Variants in MMP2 observed in about 807,000 individuals in gnomAD.
MMP2 encodes the protein 72 kDa type IV collagenase.
MMP2 carries 39 observed loss-of-function variants against 74.8 expected under a neutral mutation model. That is an observed-to-expected ratio of 0.52 (90% CI 0.40 to 0.68). The LOEUF is 0.68. MMP2 is among the 30% of genes least tolerant of loss of function. MMP2 has a pLI of 0.00. For missense variants in MMP2, 803 were observed against 878.3 expected (o/e 0.91, Z 1.08); for synonymous variants, 367 against 339.8 (o/e 1.08, Z -0.88).
rs1962538723 is a variant in MMP2, at chr16:55,496,843, C to G, written c.1473-83C>G. 3 of 1,573,766 alleles carry G rather than the reference C, an allele frequency of 1.9e-6. No individual in the cohort carries two copies. The East Asian group carries it at 6.7e-5, about 35-fold the overall frequency. On this transcript the variant is annotated intron_variant, in intron 9 of 12. Transcript: ENST00000219070. Reference sequence around the variant, plus strand: ...TCATGGAATCATCTCTGGGATGTTTCTGGGTGGGTTTGGGGGTGTGTGTGG... The same window carrying G: ...TCATGGAATCATCTCTGGGATGTTTGTGGGTGGGTTTGGGGGTGTGTGTGG...
chr16:55,483,444 C>T (rs548818868), intron 2 of MMP2, among the ~76,000 whole-genome samples: 27 of 152,100 alleles, frequency 1.8e-4, no homozygotes, highest in African/African-American at 5.3e-4. Flanking sequence ...CTAATACAAA[C>T]GGCTTCTATG....
chr16:55,497,485 C>T (rs1335066222), intron 10 of MMP2, among the ~76,000 whole-genome samples: 2 of 152,170 alleles, frequency 1.3e-5, no homozygotes, highest in African/African-American at 2.4e-5. Context: ...TTAACAGAGG[C>T]AGTTAGTTAT....
intron 2 of MMP2, 84 bp from the exon 3 acceptor site, chr16:55,483,932 T>TA (rs1962171554): frequency 2.7e-6 from 4 of 1,480,000 alleles, no homozygotes; most frequent in Non-Finnish European, 3.8e-6. Flanking sequence ...AACTTTTTCA[T>TA]ACATCTGTGC....
chr16:55,488,603 A>G lies in MMP2; in HGVS notation c.893A>G (p.Gln298Arg), dbSNP rs1340078697. ...CCCTGCAAGTTTCCATTCCGCTTCC[A>G]GGGCACATCCTATGACAGCTGCACC... ...GQPCKFPFRF[Q>R]GTSYDSCTTE... Residue 298 changes from glutamine (Q) to arginine (R), a missense_variant, in exon 6 of 13, where the codon CAG becomes CGG. Physicochemically the swap from Gln to Arg is conservative, Grantham distance 43. Transcript: ENST00000219070. 6.2e-7 allele frequency: 1 copy of G among 1,613,926 alleles called. No homozygotes were observed. The highest frequency in any genetic ancestry group is 8.5e-7 in the Non-Finnish European group (1 of 1,179,934).
intron 11 of MMP2, among the ~76,000 whole-genome samples, chr16:55,501,749 G>T (rs1962672384): frequency 6.6e-6 from 1 of 152,118 alleles, no homozygotes; most frequent in African/African-American, 2.4e-5. Context: ...GTCAAGGCTG[G>T]CTGCAGAAAG....
intron 7 of MMP2, 96 bp downstream of exon 7, chr16:55,489,920 A>T: frequency 2.2e-6 from 3 of 1,389,246 alleles, no homozygotes; most frequent in Non-Finnish European, 3.0e-6. Flanking sequence ...CACTTCAAGC[A>T]TAGACACTGC....
chr16:55,496,679 C>T (rs1167487027), intron 9 of MMP2, among the ~76,000 whole-genome samples: 3 of 152,116 alleles, frequency 2.0e-5, no homozygotes, highest in Non-Finnish European at 1.5e-5. Context: ...TGGAGGTAGT[C>T]AGGGAAGGCT....
In MMP2 at chr16:55,485,642, T is replaced by G. The variant is rs1442260315; in HGVS notation, c.697T>G (p.Cys233Gly). 6.2e-7 allele frequency: 1 copy of G among 1,614,180 alleles called. No individual in the cohort carries two copies. The highest frequency in any genetic ancestry group is 1.7e-5 in the Admixed American group (1 of 60,026). The change falls in exon 5 of 13, where the codon TGC becomes GGC. Residue 233 changes from cysteine (C) to glycine (G), a missense_variant. Around this residue, in one of 3 missense-constraint regions of MMP2, gnomAD observed 555 missense variants for 592.0 expected, o/e 0.94. Coordinates refer to ENST00000219070, the MANE Select transcript of MMP2 (RefSeq NM_004530.6). ...VKYGNADGEY[C>G]KFPFLFNGKE... ...GTATGGGAACGCCGATGGGGAGTACTGCAAGTTCCCCTTCTTGTTCAATGG... is the reference window on the plus strand; with the variant it reads ...GTATGGGAACGCCGATGGGGAGTACGGCAAGTTCCCCTTCTTGTTCAATGG...
intron 8 of MMP2, among the ~76,000 whole-genome samples, 176 bp from the exon 9 acceptor site, chr16:55,492,982 G>T (rs1208532623): frequency 6.6e-6 from 1 of 152,128 alleles, no homozygotes; most frequent in Non-Finnish European, 1.5e-5. Context: ...AAAGTACAAA[G>T]GGCCCCAGGA....
intron 11 of MMP2, among the ~76,000 whole-genome samples, chr16:55,501,942 T>C (rs1368053883): frequency 6.6e-6 from 1 of 151,934 alleles, no homozygotes. Flanking sequence ...GGCAAAGGAA[T>C]CAACATGACA....
At chr16:55,483,266 C>A in intron 2 of MMP2, 131 bp downstream of exon 2, 1 of 677,690 alleles carries the variant, frequency 1.5e-6, no homozygotes, top group Non-Finnish European at 2.6e-6. Context: ...TAGGGAGTTT[C>A]AATACACAGT....
intron 7 of MMP2, 149 bp downstream of exon 7, chr16:55,489,973 G>C: frequency 1.1e-6 from 1 of 874,920 alleles, no homozygotes; most frequent in Non-Finnish European, 1.8e-6. Context: ...CCTGGGCTGA[G>C]ACAATGCCCA....
intron 11 of MMP2, among the ~76,000 whole-genome samples, chr16:55,502,439 G>A (rs1350346897): frequency 6.6e-6 from 1 of 152,096 alleles, no homozygotes; most frequent in Middle Eastern, 3.2e-3. Flanking sequence ...CACTAAATTA[G>A]ACACAACCCC....
rs529176966 is a variant in MMP2 at position 55,493,113 on chromosome 16, A to T, written c.1337-45A>T. On this transcript the variant is annotated intron_variant, in intron 8 of 12. Transcript: ENST00000219070. Reference sequence around the variant, plus strand: ...CCTGGGGGCTCACCCTAGTGGGGAGAACCTCTGGAGCTGCAGAGAGTCTAA... The same window carrying T: ...CCTGGGGGCTCACCCTAGTGGGGAGTACCTCTGGAGCTGCAGAGAGTCTAA... 80 of 1,611,318 alleles carry T rather than the reference A, an allele frequency of 5.0e-5. 2 individuals carry two copies. The South Asian group carries it at 8.5e-4, about 17-fold the overall frequency.
rs1369454759 is a variant in MMP2, at chr16:55,483,056, C to T, written c.301C>T (p.Arg101Cys). The T allele has an allele frequency of 1.1e-5, 18 of 1,614,054 alleles. No individual in the cohort carries two copies. The highest frequency in any genetic ancestry group is 4.0e-5 in the African/African-American group (3 of 74,920). The change falls in exon 2 of 13, where the codon CGC becomes TGC. Residue 101 changes from arginine (R) to cysteine (C), a missense_variant. By Grantham distance (180) the Arg-to-Cys change is radical (BLOSUM62 -3). Around this residue, in one of 3 missense-constraint regions of MMP2, gnomAD observed 223 missense variants for 232.8 expected, o/e 0.96. Coordinates refer to ENST00000219070, the MANE Select transcript of MMP2 (RefSeq NM_004530.6). ...TACCATCGAGACCATGCGGAAGCCA[C>T]GCTGCGGCAACCCAGATGTGGCCAA... ...QNTIETMRKPRCGNPDVANYN... is the reference protein window; with the variant it reads ...QNTIETMRKPCCGNPDVANYN...
chr16:55,503,077 C>T (rs1240185832), intron 12 of MMP2, among the ~76,000 whole-genome samples, 189 bp downstream of exon 12: 2 of 152,138 alleles, frequency 1.3e-5, no homozygotes, highest in Admixed American at 6.5e-5. Flanking sequence ...CTTGGCCTGG[C>T]TCCAGGCAGT....
chr16:55,500,491 G>GCACACACACA (rs1390341238), intron 11 of MMP2, among the ~76,000 whole-genome samples: 33 of 49,292 alleles, frequency 6.7e-4, no homozygotes, highest in Admixed American at 6.1e-3. Flanking sequence ...GCGCATGTGC[G>GCACACACACA]CATACACACA....
At chr16:55,491,685 G>T (rs1364476243) in intron 7 of MMP2, 116 bp from the exon 8 acceptor site, 2 of 1,190,660 alleles carry the variant, frequency 1.7e-6, no homozygotes, top group Non-Finnish European at 2.5e-6. Context: ...CGCTTCCAGG[G>T]TTCTCAGCCT....
chr16:55,494,448 C>T (rs1293536427), intron 9 of MMP2, among the ~76,000 whole-genome samples: 1 of 152,156 alleles, frequency 6.6e-6, no homozygotes, highest in Non-Finnish European at 1.5e-5. Context: ...TTGGCATCTA[C>T]TGTGCCAAAT....
Sources: gnomAD v4.1 joint callset for allele counts (sites outside exome capture counted in the v4.1 genomes callset) on GRCh38, gnomAD v4.1.1 for gene constraint, gnomAD v4.1.1 regional missense constraint, MANE v1.5 for transcripts, NCBI Gene and HGNC (gene_info 2026-07-23, HGNC 2026-07-21) for gene names.